SYTL5: variants seen among roughly 807,000 people sequenced by gnomAD.
SYTL5 encodes the protein synaptotagmin-like protein 5.
Under a neutral mutation model 55.9 loss-of-function variants are expected in SYTL5, and 34 were observed. The observed-to-expected ratio is 0.61, with a 90% CI of 0.46 to 0.81. SYTL5 has a LOEUF of 0.81. Among genes scored for constraint, SYTL5 ranks in the 30% least tolerant of loss-of-function variants. The pLI is 0.00. For synonymous variants in SYTL5, 221 were observed against 188.7 expected, an observed-to-expected ratio of 1.17 and a Z score of -1.40; for missense variants, 637 against 546.7, an observed-to-expected ratio of 1.17 and a Z score of -1.65.
At chrX:38,033,009 G>A (rs1035395371) in intron 1 of SYTL5, among the ~76,000 whole-genome samples, 1 of 112,322 alleles carries the variant, frequency 8.9e-6, no homozygotes, top group Admixed American at 9.4e-5. Flanking sequence ...ACAGATGTGA[G>A]CCACCACACC....
chrX:37,930,687 C>T, the SYTL5 span, among the ~76,000 whole-genome samples: 3 of 112,187 alleles, frequency 2.7e-5, no homozygotes, highest in Admixed American at 1.9e-4. Flanking sequence ...GCTCAGCTCC[C>T]TTGAAATGAA....
the SYTL5 span, among the ~76,000 whole-genome samples, chrX:37,998,602 C>T: frequency 1.2e-4 from 13 of 112,004 alleles, no homozygotes; most frequent in African/African-American, 4.2e-4. Context: ...ACACCCCTTG[C>T]CGTTCCACAC....
chrX:37,997,165 C>T, the SYTL5 span, among the ~76,000 whole-genome samples: 1 of 112,644 alleles, frequency 8.9e-6, no homozygotes, highest in Admixed American at 9.3e-5. Context: ...AGTGGTGGCC[C>T]ATCTGGGGTG....
At chrX:37,933,131 T>C in the SYTL5 span, among the ~76,000 whole-genome samples, 3 of 111,652 alleles carry the variant, frequency 2.7e-5, no homozygotes, top group Non-Finnish European at 5.6e-5. Context: ...GCAGTGTCAA[T>C]GTCACATTGA....
chrX:38,047,975 A>G (rs1270042512), intron 2 of SYTL5, among the ~76,000 whole-genome samples: 1 of 110,775 alleles, frequency 9.0e-6, no homozygotes, highest in Non-Finnish European at 1.9e-5. Context: ...TCACAAGGTC[A>G]GGAGATCGAG....
chrX:38,109,343 G>C (rs1274486509), intron 12 of SYTL5, among the ~76,000 whole-genome samples: 1 of 111,533 alleles, frequency 9.0e-6, no homozygotes, highest in Non-Finnish European at 1.9e-5. Flanking sequence ...AGGGAGGATG[G>C]AAAGCAGAAG....
At chrX:37,943,007 G>A in the SYTL5 span, among the ~76,000 whole-genome samples, 4 of 111,256 alleles carry the variant, frequency 3.6e-5, no homozygotes, top group African/African-American at 1.3e-4. Flanking sequence ...TTTGAGCAAG[G>A]GTCCTCACAT....
chrX:37,909,193 T>C, the SYTL5 span, among the ~76,000 whole-genome samples: 3 of 111,726 alleles, frequency 2.7e-5, no homozygotes, highest in South Asian at 3.8e-4. Context: ...GAAAAGAGTG[T>C]ATATTATTGC....
At chrX:37,961,492 A>C in the SYTL5 span, among the ~76,000 whole-genome samples, 3 of 111,108 alleles carry the variant, frequency 2.7e-5, no homozygotes, top group East Asian at 8.4e-4. Context: ...GTTTATGCTT[A>C]AAGGATAGCA....
At chrX:37,925,313 T>C in the SYTL5 span, among the ~76,000 whole-genome samples, 1 of 112,062 alleles carries the variant, frequency 8.9e-6, no homozygotes, top group Non-Finnish European at 1.9e-5. Flanking sequence ...ATTCCATAAC[T>C]TGGCCATTGT....
At chrX:37,925,825 A>G in the SYTL5 span, among the ~76,000 whole-genome samples, 1 of 111,506 alleles carries the variant, frequency 9.0e-6, no homozygotes, top group African/African-American at 3.3e-5. Context: ...CTCATAACTT[A>G]GCTCCTACTT....
chrX:38,061,096 C>T (rs1003291785), intron 3 of SYTL5, among the ~76,000 whole-genome samples: 1 of 111,861 alleles, frequency 8.9e-6, no homozygotes, highest in Non-Finnish European at 1.9e-5. Context: ...TGTCTTGATG[C>T]GTTAAAATGT....
chrX:38,072,326 G>C (rs778367492), intron 4 of SYTL5, among the ~76,000 whole-genome samples, 164 bp downstream of exon 4: 1 of 111,617 alleles, frequency 9.0e-6, no homozygotes, highest in South Asian at 3.8e-4. Flanking sequence ...ATTCATACAA[G>C]ACAAGAAGAA....
the SYTL5 span, among the ~76,000 whole-genome samples, chrX:37,958,599 C>T: frequency 2.4e-4 from 27 of 111,910 alleles, no homozygotes; most frequent in South Asian, 1.1e-3. Flanking sequence ...ATTTTCTTTT[C>T]ACATGCAAAA....
intron 1 of SYTL5, among the ~76,000 whole-genome samples, chrX:38,011,527 G>T (rs761365613): frequency 9.7e-4 from 108 of 110,864 alleles, no homozygotes; most frequent in African/African-American, 3.4e-3. Flanking sequence ...TCAGCTACTC[G>T]GGAGACTGAG....
chrX:38,080,276 G>T (rs1307897401), intron 6 of SYTL5, among the ~76,000 whole-genome samples: 1 of 111,941 alleles, frequency 8.9e-6, no homozygotes, highest in African/African-American at 3.2e-5. Flanking sequence ...AATGCATTTT[G>T]TTCAGTAAAA....
At chrX:38,024,655 T>C (rs1352184596) in intron 1 of SYTL5, among the ~76,000 whole-genome samples, 2 of 111,445 alleles carry the variant, frequency 1.8e-5, no homozygotes, top group Non-Finnish European at 3.8e-5. Flanking sequence ...AACATCTCTG[T>C]GCCTCAGTTT....
intron 2 of SYTL5, 99 bp downstream of exon 2, chrX:38,034,107 A>C (rs1237039323): frequency 7.3e-6 from 3 of 410,739 alleles, no homozygotes; most frequent in Non-Finnish European, 1.2e-5. Context: ...CAATGGGGAC[A>C]GATGTCAGTT....
chrX:38,052,739 G>A (rs1935658122), intron 2 of SYTL5, among the ~76,000 whole-genome samples: 1 of 112,068 alleles, frequency 8.9e-6, no homozygotes. Flanking sequence ...AGATGGGCAT[G>A]ACAAAGTTTA....
Sources: allele counts gnomAD v4.1 joint callset (sites outside exome capture counted in the v4.1 genomes callset), GRCh38; gene constraint gnomAD v4.1.1; transcripts MANE v1.5; gene names NCBI Gene and HGNC (gene_info 2026-07-23, HGNC 2026-07-21).